Variants in DIP2C observed in about 807,000 individuals in gnomAD.
DIP2C encodes the protein DIP2 acetate--CoA ligase C (putative).
Under a neutral mutation model 192.4 loss-of-function variants are expected in DIP2C, and 33 were observed. That is an observed-to-expected ratio of 0.17 (90% CI 0.13 to 0.23). The LOEUF (loss-of-function observed/expected upper bound fraction) is 0.23. Among genes scored for constraint, DIP2C ranks in the 10% least tolerant of loss-of-function variants. DIP2C has a pLI of 1.00. For missense variants in DIP2C, 1,537 were observed against 2,110.1 expected (o/e 0.73, Z 5.32); for synonymous variants, 979 against 864.1 (o/e 1.13, Z -2.33).
intron 1 of DIP2C, among the ~76,000 whole-genome samples, chr10:534,725 G>A (rs1022027062): frequency 4.0e-5 from 6 of 150,038 alleles, no homozygotes; most frequent in Non-Finnish European, 8.9e-5. Context: ...GCCGGACTGC[G>A]GACTGCAGTG....
At position 648,048 on chromosome 10, in the gene DIP2C, G is replaced by A. The variant is rs10737001; in HGVS notation, c.85+41446C>T. 6.1e-5 allele frequency among the ~76,000 whole-genome samples: 8 copies of A among 130,150 alleles called. 1 individual carries two copies. Among genetic ancestry groups the A allele is most frequent in the Non-Finnish European group, 8.5e-5 (5 of 58,884 alleles). The allele number at this position is 130,150 out of a possible 152,430, so 85.4% of individuals were successfully genotyped here. ...CATTTGACGGTGGGAGAGAACAGAG[G>A]GAAACTGAGTCCACGTCCACATTGG... On this transcript the variant is annotated intron_variant, in intron 1 of 36. Coordinates refer to ENST00000280886, the MANE Select transcript of DIP2C (RefSeq NM_014974.3).
chr10:508,414 T>C (rs1334890549), intron 1 of DIP2C, among the ~76,000 whole-genome samples: 1 of 152,168 alleles, frequency 6.6e-6, no homozygotes, highest in Admixed American at 6.5e-5. Context: ...GATTTCCTGG[T>C]AGGCAAAAGG....
At chr10:665,849 C>A (rs935216229) in intron 1 of DIP2C, 1 of 152,114 alleles carries the variant, frequency 6.6e-6, no homozygotes, top group African/African-American at 2.4e-5. Context: ...TACAGGAACA[C>A]TCCATAAATC....
chr10:623,706 G>C (rs1854021719), intron 1 of DIP2C, among the ~76,000 whole-genome samples: 1 of 126,496 alleles, frequency 7.9e-6, no homozygotes, highest in African/African-American at 3.2e-5. Context: ...GCAGGGCCGA[G>C]GGCTGAGGGG....
At chr10:646,000 G>A (rs1197049354) in intron 1 of DIP2C, among the ~76,000 whole-genome samples, 1 of 152,212 alleles carries the variant, frequency 6.6e-6, no homozygotes, top group East Asian at 1.9e-4. Flanking sequence ...TGAGTTAACA[G>A]GCACACAGAC....
intron 17 of DIP2C, among the ~76,000 whole-genome samples, chr10:378,586 C>G (rs1169189215): frequency 2.1e-5 from 2 of 93,284 alleles, no homozygotes; most frequent in African/African-American, 9.1e-5. Context: ...CATGTGAACG[C>G]AGACATAGAC....
chr10:324,593 G>A (rs1957178190), intron 31 of DIP2C: 1 of 180,176 alleles, frequency 5.6e-6, no homozygotes, highest in Non-Finnish European at 1.2e-5. Context: ...GGACAAAAAT[G>A]CTTAAAGATG....
chr10:298,039 C>T (rs1334606361), intron 32 of DIP2C, among the ~76,000 whole-genome samples: 6 of 152,132 alleles, frequency 3.9e-5, no homozygotes, highest in African/African-American at 1.4e-4. Context: ...GCGCACATAT[C>T]CAACATTAGT....
chr10:284,179 T>C (rs1424989127), intron 34 of DIP2C, among the ~76,000 whole-genome samples: 1 of 152,172 alleles, frequency 6.6e-6, no homozygotes, highest in Non-Finnish European at 1.5e-5. Context: ...CTTGGCTGTT[T>C]CCATTATTTT....
intron 2 of DIP2C, among the ~76,000 whole-genome samples, chr10:472,754 C>T (rs375364691): frequency 2.0e-5 from 3 of 152,158 alleles, no homozygotes; most frequent in Admixed American, 6.5e-5. Context: ...CCTGGCTAGA[C>T]GCCGCCACGG....
intron 1 of DIP2C, among the ~76,000 whole-genome samples, chr10:686,837 G>A (rs1021759289): frequency 5.9e-5 from 9 of 152,376 alleles, no homozygotes; most frequent in African/African-American, 2.2e-4. Flanking sequence ...CCCAGCAGGC[G>A]GGCACAGCAG....
chr10:542,538 T>C (rs1225815295), intron 1 of DIP2C, among the ~76,000 whole-genome samples: 1 of 152,206 alleles, frequency 6.6e-6, no homozygotes, highest in African/African-American at 2.4e-5. Context: ...GCTCCAGAAA[T>C]GCACAGCTTC....
intron 1 of DIP2C, among the ~76,000 whole-genome samples, chr10:644,852 A>G (rs565662871): frequency 6.6e-6 from 1 of 152,276 alleles, no homozygotes; most frequent in African/African-American, 2.4e-5. Flanking sequence ...TCAGACATAC[A>G]ATTTAGCACC....
intron 17 of DIP2C, among the ~76,000 whole-genome samples, chr10:371,097 A>T (rs1960898048): frequency 1.3e-5 from 2 of 152,080 alleles, no homozygotes; most frequent in African/African-American, 4.8e-5. Context: ...ACCCCAAACA[A>T]ATCAAAACTT....
intron 1 of DIP2C, among the ~76,000 whole-genome samples, chr10:586,024 G>A (rs1851001533): frequency 6.6e-6 from 1 of 152,148 alleles, no homozygotes. Context: ...AGGATTAAAG[G>A]CAGGACTCCT....
At chr10:658,599 A>G (rs943745221) in intron 1 of DIP2C, among the ~76,000 whole-genome samples, 1 of 152,240 alleles carries the variant, frequency 6.6e-6, no homozygotes, top group African/African-American at 2.4e-5. Context: ...GCAACTAGAA[A>G]TACCAATCAT....
chr10:507,944 CAG>C (rs1845739264), intron 1 of DIP2C, among the ~76,000 whole-genome samples: 1 of 152,218 alleles, frequency 6.6e-6, no homozygotes, highest in Non-Finnish European at 1.5e-5. Context: ...TTTCTGAAGA[CAG>C]AGTCCATGCG....
chr10:434,519 C>T (rs903134442), intron 4 of DIP2C, among the ~76,000 whole-genome samples: 4 of 152,188 alleles, frequency 2.6e-5, no homozygotes, highest in African/African-American at 4.8e-5. Context: ...GCAATTCTCC[C>T]GCCTTGGCCT....
chr10:573,335 T>C (rs1421649817), intron 1 of DIP2C, among the ~76,000 whole-genome samples: 4 of 152,206 alleles, frequency 2.6e-5, no homozygotes, highest in Admixed American at 2.6e-4. Context: ...TCAATGCTAA[T>C]AAAAGACAAA....
Sources: allele counts gnomAD v4.1 joint callset (sites outside exome capture counted in the v4.1 genomes callset), GRCh38; gene constraint gnomAD v4.1.1; transcripts MANE v1.5; gene names NCBI Gene and HGNC (gene_info 2026-07-23, HGNC 2026-07-21).